Variants in TENM4 observed in about 807,000 individuals in gnomAD.
The protein encoded by TENM4 is teneurin-4.
A neutral mutation model predicts 243.3 loss-of-function variants in TENM4; 82 were observed. The ratio of observed to expected loss-of-function variants is 0.34; its 90% CI spans 0.28 to 0.40. The LOEUF (loss-of-function observed/expected upper bound fraction) is 0.40. TENM4 is among the 10% of genes least tolerant of loss of function. The pLI is 1.00. For synonymous variants in TENM4, 1,412 were observed against 1,456.3 expected (o/e 0.97, Z 0.69); for missense variants, 3,138 against 3,673.3 (o/e 0.85, Z 3.77).
At chr11:78,935,928 C>G (rs1013310686) in intron 6 of TENM4, among the ~76,000 whole-genome samples, 10 of 152,222 alleles carry the variant, frequency 6.6e-5, no homozygotes, top group African/African-American at 2.2e-4. Flanking sequence ...AGCATTTCTT[C>G]CCCTTGAAAT....
At chr11:78,791,394 G>A (rs1012683575) in intron 15 of TENM4, among the ~76,000 whole-genome samples, 1 of 152,224 alleles carries the variant, frequency 6.6e-6, no homozygotes, top group Non-Finnish European at 1.5e-5. Flanking sequence ...CAGCTCATAT[G>A]TCTTTTACAT....
chr11:79,359,208 G>A (rs1274494649), intron 1 of TENM4, among the ~76,000 whole-genome samples: 1 of 152,178 alleles, frequency 6.6e-6, no homozygotes, highest in Non-Finnish European at 1.5e-5. Context: ...TGAGGTTGCA[G>A]TAAGCTATGA....
intron 4 of TENM4, among the ~76,000 whole-genome samples, chr11:79,118,482 T>G (rs1423878485): frequency 6.6e-6 from 1 of 152,202 alleles, no homozygotes; most frequent in Non-Finnish European, 1.5e-5. Flanking sequence ...TGTGCTGCCA[T>G]CACCATCATC....
At chr11:78,895,665 G>A (rs755116287) in intron 7 of TENM4, among the ~76,000 whole-genome samples, 2 of 152,164 alleles carry the variant, frequency 1.3e-5, no homozygotes, top group Non-Finnish European at 2.9e-5. Context: ...TCATAGTCAC[G>A]CAGGGTCTCC....
Position 78,701,770 on chromosome 11 carries a change from C to G in TENM4, c.4843G>C (p.Asp1615His). ...TCTGTGATGAGTGTGATGTCGCCGT[C>G]CCCAGTGTAGGTGAAGTTGTACAGG... is the stretch of plus-strand genomic sequence containing the variant. ...DYLYNFTYTG[D>H]GDITLITDNN... is the part of the protein sequence containing the mutation. Residue 1615 changes from aspartate (D) to histidine (H), a missense_variant, in exon 28 of 34, where the codon GAC (aspartate) becomes CAC (histidine). This residue lies in a region of TENM4 where 2,467 missense variants were observed against 3,059.1 expected (regional missense o/e 0.81). Transcript: ENST00000278550. 6.2e-7 allele frequency: 1 copy of G among 1,613,978 alleles called. No individual in the cohort carries two copies. Among genetic ancestry groups the G allele is most frequent in the Non-Finnish European group, 8.5e-7 (1 of 1,179,884 alleles).
chr11:79,381,380 TA>T (rs368458479), intron 1 of TENM4, among the ~76,000 whole-genome samples: 1 of 150,900 alleles, frequency 6.6e-6, no homozygotes, highest in Non-Finnish European at 1.5e-5. Context: ...CACAGCTTTC[TA>T]AATGCATCAG....
chr11:79,027,944 A>G (rs890256021), intron 6 of TENM4, among the ~76,000 whole-genome samples: 1 of 152,196 alleles, frequency 6.6e-6, no homozygotes, highest in African/African-American at 2.4e-5. Flanking sequence ...ACTGAAGCTC[A>G]GTTGGGTTCA....
chr11:79,039,826 T>C (rs1859473006), intron 6 of TENM4, among the ~76,000 whole-genome samples: 1 of 151,998 alleles, frequency 6.6e-6, no homozygotes, highest in Non-Finnish European at 1.5e-5. Flanking sequence ...ACAAACAAAA[T>C]AGTACCTCCT....
intron 2 of TENM4, among the ~76,000 whole-genome samples, chr11:79,276,523 T>C (rs1856058872): frequency 6.6e-6 from 1 of 152,192 alleles, no homozygotes; most frequent in Non-Finnish European, 1.5e-5. Context: ...CTGCTAGGGA[T>C]ACATCCGGCA....
Position 78,670,300 on chromosome 11 carries a change from G to T in TENM4, c.6045C>A (p.Gly2015=), listed in dbSNP as rs374554255. 93 of 1,613,822 alleles carry T rather than the reference G, an allele frequency of 5.8e-5. 1 individual carries two copies. Among genetic ancestry groups the T allele is most frequent in the Non-Finnish European group, 6.7e-5 (79 of 1,179,880 alleles). The change falls in exon 32 of 34, where the codon GGC becomes GGA. Residue 2015 remains glycine (G), a synonymous_variant. Coordinates refer to ENST00000278550, the MANE Select transcript of TENM4 (RefSeq NM_001098816.3). ...GCGTCTCTGCCAGCTTTGACAGTTT[G>T]CCATACTTGTATATCACCCTGCGGC... The part of the protein sequence containing the change: ...GTGRRVIYKY[G]KLSKLAETLY...
chr11:78,930,137 C>A (rs1394188444), intron 6 of TENM4, among the ~76,000 whole-genome samples: 1 of 152,132 alleles, frequency 6.6e-6, no homozygotes, highest in Non-Finnish European at 1.5e-5. Context: ...AAGCTTGTGA[C>A]CTTGGGCAGC....
chr11:78,864,858 G>A (rs2136228161), intron 9 of TENM4, among the ~76,000 whole-genome samples: 1 of 152,314 alleles, frequency 6.6e-6, no homozygotes, highest in African/African-American at 2.4e-5. Context: ...GCTTCAGTGA[G>A]CTCACAGCCA....
At chr11:79,223,829 A>G (rs1473857676) in intron 2 of TENM4, among the ~76,000 whole-genome samples, 2 of 152,046 alleles carry the variant, frequency 1.3e-5, no homozygotes, top group African/African-American at 4.8e-5. Flanking sequence ...CCTTTTTCCC[A>G]CTGCTCCCAC....
chr11:79,273,179 G>T (rs1172169845), intron 2 of TENM4, among the ~76,000 whole-genome samples: 1 of 152,162 alleles, frequency 6.6e-6, no homozygotes. Context: ...CTATCAATCT[G>T]CCATGCATAA....
intron 1 of TENM4, among the ~76,000 whole-genome samples, chr11:79,360,113 C>T (rs1185134465): frequency 6.6e-6 from 1 of 152,170 alleles, no homozygotes; most frequent in Admixed American, 6.5e-5. Context: ...CCCTATGGTA[C>T]TTTGTGCAGT....
intron 12 of TENM4, among the ~76,000 whole-genome samples, chr11:78,816,013 A>G (rs1391530547): frequency 6.6e-6 from 1 of 152,220 alleles, no homozygotes; most frequent in Non-Finnish European, 1.5e-5. Context: ...AGGATCCCCC[A>G]ACTTCCCACT....
intron 28 of TENM4, among the ~76,000 whole-genome samples, chr11:78,700,619 C>A (rs1175632927): frequency 6.6e-6 from 1 of 152,132 alleles, no homozygotes; most frequent in Non-Finnish European, 1.5e-5. Context: ...TAGAGGAACA[C>A]CCCAGATATA....
intron 1 of TENM4, among the ~76,000 whole-genome samples, chr11:79,397,309 C>T (rs766047103): frequency 1.1e-4 from 17 of 152,078 alleles, no homozygotes; most frequent in Non-Finnish European, 2.4e-4. Flanking sequence ...TATTAACATC[C>T]CCATTTTGTA....
At position 78,657,419 on chromosome 11, in the gene TENM4, G is replaced by C; in HGVS notation, c.*639C>G. 1 of 384,592 alleles carries C rather than the reference G, an allele frequency of 2.6e-6. No homozygotes were observed. The highest frequency in any genetic ancestry group is 4.6e-6 in the Non-Finnish European group (1 of 217,680). The allele number at this position is 384,592 out of a possible 1,614,324, so 23.8% of individuals were successfully genotyped here. A position where few individuals can be genotyped will look rare whatever the true frequency, so the allele number is the denominator to read the frequency against. ...AAATAGAAAGCTTGAACAGGAGTTT[G>C]GGGCAGCTTAAAAAAGGTGCTGAAC... On this transcript the variant is annotated 3_prime_UTR_variant, in exon 34 of 34. Transcript: ENST00000278550.
Sources: gnomAD v4.1 joint callset for allele counts (sites outside exome capture counted in the v4.1 genomes callset) on GRCh38, gnomAD v4.1.1 for gene constraint, gnomAD v4.1.1 regional missense constraint, MANE v1.5 for transcripts, NCBI Gene and HGNC (gene_info 2026-07-23, HGNC 2026-07-21) for gene names.